The following PRR16 variants were observed in gnomAD, a reference collection of about 807,000 sequenced individuals.
The protein encoded by PRR16 is protein Largen.
Under a neutral mutation model 18.2 loss-of-function variants are expected in PRR16, and 6 were observed. The ratio of observed to expected loss-of-function variants is 0.33; its 90% CI spans 0.18 to 0.65. The LOEUF (loss-of-function observed/expected upper bound fraction) is 0.65, where lower values mean the gene tolerates loss of function less well. PRR16 is among the 30% of genes least tolerant of loss of function. The probability of loss-of-function intolerance (pLI) is 0.74; values close to 1 mark genes in which losing one functional copy is unlikely to be tolerated. For synonymous variants in PRR16, 151 were observed against 147.8 expected (o/e 1.02, Z -0.16); for missense variants, 412 against 376.6 (o/e 1.09, Z -0.78).
At chr5:120,628,634 CTCTA>C (rs773272779) in intron 1 of PRR16, among the ~76,000 whole-genome samples, 1 of 149,070 alleles carries the variant, frequency 6.7e-6, no homozygotes, top group African/African-American at 2.5e-5. Context: ...CTACTCATCT[CTCTA>C]TCTTTCTACC....
chr5:120,693,854 G>A, the PRR16 span, among the ~76,000 whole-genome samples: 125 of 152,232 alleles, frequency 8.2e-4, no homozygotes, highest in Non-Finnish European at 1.5e-3. Context: ...GAAATGATAT[G>A]TATTACCCCT....
intron 1 of PRR16, among the ~76,000 whole-genome samples, chr5:120,466,445 C>A (rs1749109368): frequency 6.6e-6 from 1 of 152,150 alleles, no homozygotes; most frequent in Admixed American, 6.5e-5. Flanking sequence ...GGTAGTTAAA[C>A]AGAATTCTGC....
intron 1 of PRR16, among the ~76,000 whole-genome samples, chr5:120,523,308 A>G (rs1039844031): frequency 2.0e-5 from 3 of 152,170 alleles, no homozygotes; most frequent in Admixed American, 1.3e-4. Flanking sequence ...CTCTTAGGTT[A>G]GATATATTTT....
chr5:120,658,508 TTAAA>T (rs1291948991), intron 1 of PRR16: 1 of 151,918 alleles, frequency 6.6e-6, no homozygotes, highest in East Asian at 1.9e-4. Flanking sequence ...AATAATATAA[TTAAA>T]TAAATTCTGA....
chr5:120,557,348 C>G (rs1270081493), intron 1 of PRR16, among the ~76,000 whole-genome samples: 1 of 151,778 alleles, frequency 6.6e-6, no homozygotes, highest in Non-Finnish European at 1.5e-5. Context: ...TTGTATAGCT[C>G]TAAATCTAAA....
At chr5:120,737,669 AGGATTAGTGTT>A in the PRR16 span, among the ~76,000 whole-genome samples, 3 of 151,478 alleles carry the variant, frequency 2.0e-5, no homozygotes, top group East Asian at 5.8e-4. Context: ...GAGTTTGAAA[AGGATTAGTGTT>A]AATTCTATTT....
intron 1 of PRR16, among the ~76,000 whole-genome samples, chr5:120,570,000 A>G (rs368227169): frequency 1.3e-5 from 2 of 152,142 alleles, no homozygotes; most frequent in South Asian, 2.1e-4. Context: ...TATTTGGACC[A>G]TAGTAATCCT....
At chr5:120,627,106 T>A (rs1478164220) in intron 1 of PRR16, among the ~76,000 whole-genome samples, 1 of 152,164 alleles carries the variant, frequency 6.6e-6, no homozygotes, top group Non-Finnish European at 1.5e-5. Context: ...TTCAGTCTTT[T>A]GATTTTCGCT....
chr5:120,629,390 A>G (rs1754980492), intron 1 of PRR16, among the ~76,000 whole-genome samples: 2 of 152,114 alleles, frequency 1.3e-5, no homozygotes, highest in African/African-American at 2.4e-5. Context: ...GATTTCTGCA[A>G]GTGATTTCTG....
At chr5:120,685,609 T>A (rs1173778470) in intron 1 of PRR16, among the ~76,000 whole-genome samples, 1 of 152,186 alleles carries the variant, frequency 6.6e-6, no homozygotes, top group East Asian at 1.9e-4. Flanking sequence ...TTCTGCATGT[T>A]AAGCAGAAGG....
intron 1 of PRR16, among the ~76,000 whole-genome samples, chr5:120,618,830 G>T (rs111878876): frequency 1.3e-5 from 2 of 151,446 alleles, no homozygotes; most frequent in African/African-American, 4.9e-5. Flanking sequence ...TTAGCAGTTT[G>T]CCAAGTCACT....
chr5:120,575,324 C>T (rs868066863), intron 1 of PRR16, among the ~76,000 whole-genome samples: 35 of 149,280 alleles, frequency 2.3e-4, no homozygotes, highest in South Asian at 2.1e-3. Flanking sequence ...AGGAAACACA[C>T]ACACACACAC....
At chr5:120,745,070 C>T in the PRR16 span, among the ~76,000 whole-genome samples, 2 of 152,070 alleles carry the variant, frequency 1.3e-5, no homozygotes, top group Non-Finnish European at 1.5e-5. Context: ...CCTGTTTCAC[C>T]CTGGCTTCTC....
At chr5:120,609,905 A>T (rs1200813846) in intron 1 of PRR16, among the ~76,000 whole-genome samples, 2 of 152,154 alleles carry the variant, frequency 1.3e-5, no homozygotes, top group Admixed American at 1.3e-4. Flanking sequence ...AGCTTTCCAA[A>T]TTCTCAGGCA....
intron 1 of PRR16, among the ~76,000 whole-genome samples, chr5:120,619,076 T>C (rs1561577116): frequency 1.3e-5 from 2 of 152,272 alleles, no homozygotes; most frequent in Admixed American, 6.5e-5. Context: ...TGGGCATAGA[T>C]TGATAACTCA....
At chr5:120,679,991 A>G (rs2150153192) in intron 1 of PRR16, among the ~76,000 whole-genome samples, 1 of 152,274 alleles carries the variant, frequency 6.6e-6, no homozygotes. Flanking sequence ...TTAGTAGATT[A>G]TAGCTGCTCT....
chr5:120,663,700 C>T (rs1247106334), intron 1 of PRR16, among the ~76,000 whole-genome samples: 1 of 152,168 alleles, frequency 6.6e-6, no homozygotes, highest in Non-Finnish European at 1.5e-5. Context: ...CTGTTATACA[C>T]ATTCATATCA....
chr5:120,628,447 G>A (rs894275082), intron 1 of PRR16, among the ~76,000 whole-genome samples: 1 of 151,948 alleles, frequency 6.6e-6, no homozygotes, highest in Admixed American at 6.6e-5. Context: ...TTTCTGTTAC[G>A]TGTTTCTCAT....
intron 1 of PRR16, among the ~76,000 whole-genome samples, chr5:120,599,463 A>G (rs373753465): frequency 1.2e-3 from 176 of 151,988 alleles, no homozygotes; most frequent in African/African-American, 4.1e-3. Flanking sequence ...GAAAACATTA[A>G]CACTTTTTAA....
Sources: allele counts gnomAD v4.1 joint callset (sites outside exome capture counted in the v4.1 genomes callset), GRCh38; gene constraint gnomAD v4.1.1; transcripts MANE v1.5; gene names NCBI Gene and HGNC (gene_info 2026-07-23, HGNC 2026-07-21).